Variants in CSGALNACT1 observed in about 807,000 individuals in gnomAD.
The protein encoded by CSGALNACT1 is beta4GalNAcT-1.
CSGALNACT1 carries 52 observed loss-of-function variants against 51.0 expected under a neutral mutation model. The observed-to-expected ratio is 1.02, with a 90% CI of 0.82 to 1.29. CSGALNACT1 has a LOEUF of 1.29. Among genes scored for constraint, CSGALNACT1 ranks in the 50% most tolerant of loss-of-function variants. The probability of loss-of-function intolerance (pLI) is 0.00; values close to 1 mark genes in which losing one functional copy is unlikely to be tolerated. For synonymous variants in CSGALNACT1, 341 were observed against 254.4 expected (o/e 1.34, Z -3.24); for missense variants, 935 against 679.2 (o/e 1.38, Z -4.19).
intron 3 of CSGALNACT1, among the ~76,000 whole-genome samples, chr8:19,549,734 C>T (rs1167165036): frequency 7.3e-6 from 1 of 137,188 alleles, no homozygotes; most frequent in East Asian, 2.2e-4. Context: ...GCAGAGGAGG[C>T]TAATTTTTGA....
chr8:19,553,942 G>A (rs1037146169), intron 3 of CSGALNACT1, among the ~76,000 whole-genome samples: 11 of 146,722 alleles, frequency 7.5e-5, no homozygotes, highest in African/African-American at 2.8e-4. Context: ...ATCAATAAAA[G>A]CTTGGAAGAT....
chr8:19,606,921 G>A (rs139757860), upstream of CSGALNACT1, among the ~76,000 whole-genome samples: 2 of 152,098 alleles, frequency 1.3e-5, no homozygotes, highest in East Asian at 1.9e-4. Flanking sequence ...TTTGGGAGGC[G>A]GAGACGGGTG....
chr8:19,676,222 C>T (rs188791957), intron 1 of CSGALNACT1, among the ~76,000 whole-genome samples: 66 of 151,796 alleles, frequency 4.3e-4, no homozygotes, highest in African/African-American at 1.1e-3. Context: ...CAGTTTCCAA[C>T]GGAAAAGACA....
chr8:19,757,279 C>A lies in CSGALNACT1; in HGVS notation c.-297+571G>T, dbSNP rs1348181927. 1.3e-5 allele frequency: 2 copies of A among 150,394 alleles called. No individual in the cohort carries two copies. The highest frequency in any genetic ancestry group is 3.0e-5 in the Non-Finnish European group (2 of 67,094). The allele number at this position is 150,394 out of a possible 1,614,324, so 9.3% of individuals were successfully genotyped here. On this transcript the variant is annotated intron_variant, in intron 1 of 1. Transcript: ENST00000517494. This position sits in a 1 kb window ranked among gnomAD's most constrained non-coding sequence, Gnocchi z 4.0. ...CGCGGCCGCCGCGGACTCGGCTCCA[C>A]CTCCCGCTCCGGCAGCCGCGGAGCC...
chr8:19,478,024 G>T (rs181244358), intron 4 of CSGALNACT1, among the ~76,000 whole-genome samples: 2 of 152,128 alleles, frequency 1.3e-5, no homozygotes, highest in Admixed American at 6.5e-5. Flanking sequence ...AGAACTATTA[G>T]ATGTCAGGTG....
intron 3 of CSGALNACT1, among the ~76,000 whole-genome samples, chr8:19,562,347 C>CA (rs144003039): frequency 0.056 from 8,442 of 151,862 alleles, 339 homozygotes; most frequent in South Asian, 0.12. Flanking sequence ...GACTTAGAAA[C>CA]AAAAAAATAC....
intron 1 of CSGALNACT1, among the ~76,000 whole-genome samples, chr8:19,618,162 A>G (rs1291704236): frequency 6.6e-6 from 1 of 152,136 alleles, no homozygotes; most frequent in Non-Finnish European, 1.5e-5. Context: ...GATTACAGAC[A>G]ATATTACTGC....
At chr8:19,665,878 C>CT (rs2059140382) in intron 1 of CSGALNACT1, among the ~76,000 whole-genome samples, 1 of 152,204 alleles carries the variant, frequency 6.6e-6, no homozygotes, top group African/African-American at 2.4e-5. Context: ...TCAACTTCCT[C>CT]TTAGTCTCAC....
chr8:19,706,112 G>C (rs1364721957), intron 1 of CSGALNACT1, among the ~76,000 whole-genome samples: 1 of 152,070 alleles, frequency 6.6e-6, no homozygotes, highest in Non-Finnish European at 1.5e-5. Flanking sequence ...ATCATACAGG[G>C]CCCTTACAAA....
chr8:19,582,340 A>C (rs2045756430), intron 3 of CSGALNACT1, among the ~76,000 whole-genome samples: 1 of 152,242 alleles, frequency 6.6e-6, no homozygotes, highest in African/African-American at 2.4e-5. Context: ...CTACTTAGAT[A>C]ATATAAAACT....
chr8:19,620,680 C>G (rs1440735544), intron 1 of CSGALNACT1, among the ~76,000 whole-genome samples: 1 of 152,190 alleles, frequency 6.6e-6, no homozygotes, highest in Non-Finnish European at 1.5e-5. Flanking sequence ...ACAATCCTCC[C>G]ACCTTGGCCT....
At chr8:19,642,260 A>G (rs2056820657) in intron 1 of CSGALNACT1, among the ~76,000 whole-genome samples, 1 of 152,214 alleles carries the variant, frequency 6.6e-6, no homozygotes, top group African/African-American at 2.4e-5. Context: ...GAATCTTGCA[A>G]AATGACTCTG....
At chr8:19,406,113 G>A (rs564504287) in intron 9 of CSGALNACT1, 44 bp from the exon 9 acceptor site, 33 of 1,611,554 alleles carry the variant, frequency 2.0e-5, no homozygotes, top group African/African-American at 4.0e-5. Flanking sequence ...GCACTGATCT[G>A]TTTTGCTTCC....
intron 1 of CSGALNACT1, among the ~76,000 whole-genome samples, chr8:19,752,840 C>T (rs2065125788): frequency 6.6e-6 from 1 of 152,180 alleles, no homozygotes; most frequent in South Asian, 2.1e-4. Flanking sequence ...ATTATCTGTG[C>T]AGCAAAGTAA....
intron 1 of CSGALNACT1, among the ~76,000 whole-genome samples, chr8:19,716,611 A>AC (rs1325463663): frequency 1.5e-4 from 18 of 121,020 alleles, no homozygotes; most frequent in Admixed American, 1.4e-3. Context: ...AACCCTCTCT[A>AC]CAAAAAAAAA....
exon 10 of CSGALNACT1, chr8:19,405,576 A>T: frequency 1.4e-6 from 1 of 727,110 alleles, no homozygotes; most frequent in Admixed American, 2.0e-5. Flanking sequence ...CACAGGGTGC[A>T]ACTGGGTTAC....
At chr8:19,725,579 C>T (rs1204520652) in intron 1 of CSGALNACT1, among the ~76,000 whole-genome samples, 5 of 151,906 alleles carry the variant, frequency 3.3e-5, no homozygotes, top group Admixed American at 3.3e-4. Context: ...AGGCCACCAC[C>T]ATGCCCAGCT....
Position 19,710,717 on chromosome 8 carries a change from A to C in CSGALNACT1, c.-297+47133T>G, listed in dbSNP as rs116362231. Reference sequence around the variant, plus strand: ...TTTAACACTTCTTGCATAATGTGTGAAATTGAGTAGAAACCCTATAATTAC... The same window carrying C: ...TTTAACACTTCTTGCATAATGTGTGCAATTGAGTAGAAACCCTATAATTAC... On this transcript the variant is annotated intron_variant, in intron 1 of 1. Coordinates refer to the CSGALNACT1 transcript ENST00000517494. 4.3e-3 allele frequency among the ~76,000 whole-genome samples: 652 copies of C among 152,326 alleles called. 6 individuals are homozygous for C. The highest frequency in any genetic ancestry group is 0.015 in the African/African-American group (619 of 41,560).
intron 3 of CSGALNACT1, among the ~76,000 whole-genome samples, chr8:19,539,924 G>A (rs976880168): frequency 6.6e-6 from 1 of 152,178 alleles, no homozygotes; most frequent in Admixed American, 6.5e-5. Flanking sequence ...AGTTCTGCCT[G>A]AGAGGAGTTG....
Sources: allele counts gnomAD v4.1 joint callset (sites outside exome capture counted in the v4.1 genomes callset), GRCh38; gene constraint gnomAD v4.1.1; non-coding constraint Gnocchi (gnomAD v3.1); transcripts MANE v1.5; gene names NCBI Gene and HGNC (gene_info 2026-07-23, HGNC 2026-07-21).